The following HECW2 variants were observed in gnomAD, a reference collection of about 807,000 sequenced individuals.
The protein encoded by HECW2 is HECT, C2 and WW domain containing E3 ubiquitin protein ligase 2.
HECW2 carries 61 observed loss-of-function variants against 175.2 expected under a neutral mutation model. The observed-to-expected ratio is 0.35, with a 90% CI of 0.28 to 0.43. The LOEUF is 0.43. Ranked by LOEUF, HECW2 falls within the 20% of genes least tolerant of loss-of-function variation. The pLI, the probability that HECW2 is intolerant of heterozygous loss-of-function variation, is 1.00. For missense variants in HECW2, 1,524 were observed against 2,000.5 expected (o/e 0.76, Z 4.54); for synonymous variants, 671 against 731.0 (o/e 0.92, Z 1.32).
At chr2:196,458,533 A>T (rs1435156576) in intron 1 of HECW2, among the ~76,000 whole-genome samples, 1 of 152,108 alleles carries the variant, frequency 6.6e-6, no homozygotes, top group Non-Finnish European at 1.5e-5. Flanking sequence ...ACAAGACTCT[A>T]AAAAGCTCCA....
chr2:196,485,866 A>C (rs1686983172), intron 1 of HECW2, among the ~76,000 whole-genome samples: 1 of 152,196 alleles, frequency 6.6e-6, no homozygotes, highest in Non-Finnish European at 1.5e-5. Context: ...ATTTAGAAAA[A>C]TAAAATGGAG....
In HECW2 at chr2:196,326,855, C is replaced by T. The variant is rs564357944; in HGVS notation, c.572-1706G>A. On this transcript the variant is annotated intron_variant, in intron 5 of 28. Transcript: ENST00000644978. ...GAGAGGCTGCCATAATCTCATTAGCCGTGCAGTCCCCATTCCTGACACTTC... is the reference window on the plus strand; with the variant it reads ...GAGAGGCTGCCATAATCTCATTAGCTGTGCAGTCCCCATTCCTGACACTTC... Among the ~76,000 whole-genome samples, 10 of 152,214 alleles carry T rather than the reference C, an allele frequency of 6.6e-5. No individual in the cohort carries two copies. The East Asian group carries it at 7.7e-4, about 12-fold the overall frequency.
At chr2:196,407,286 ACCTCAG>A (rs528100650) in intron 2 of HECW2, among the ~76,000 whole-genome samples, 82 of 148,046 alleles carry the variant, frequency 5.5e-4, no homozygotes, top group African/African-American at 1.9e-3. Flanking sequence ...TGATCCTCCC[ACCTCAG>A]CCTCCCAAGT....
At chr2:196,415,533 C>T (rs1314612992) in intron 2 of HECW2, among the ~76,000 whole-genome samples, 4 of 151,892 alleles carry the variant, frequency 2.6e-5, no homozygotes, top group African/African-American at 9.7e-5. Flanking sequence ...GTGTTTGCTG[C>T]TTCCTGTGGT....
chr2:196,274,624 G>A (rs1002292358), intron 15 of HECW2, among the ~76,000 whole-genome samples: 1 of 152,202 alleles, frequency 6.6e-6, no homozygotes, highest in African/African-American at 2.4e-5. Flanking sequence ...GGGGTTTCGA[G>A]TTAGTGTATT....
At chr2:196,514,049 G>A (rs868386437) in intron 1 of HECW2, among the ~76,000 whole-genome samples, 2 of 152,148 alleles carry the variant, frequency 1.3e-5, no homozygotes, top group Non-Finnish European at 2.9e-5. Context: ...CAGGAGCCTC[G>A]CCCTCCCAGG....
intron 19 of HECW2, among the ~76,000 whole-genome samples, chr2:196,253,509 C>A (rs577225830): frequency 6.6e-6 from 1 of 152,304 alleles, no homozygotes; most frequent in Admixed American, 6.5e-5. Flanking sequence ...TAATGAATTG[C>A]AGGAATGTCC....
chr2:196,418,254 G>A (rs1418186531), intron 2 of HECW2, among the ~76,000 whole-genome samples: 21 of 151,854 alleles, frequency 1.4e-4, no homozygotes, highest in African/African-American at 3.6e-4. Flanking sequence ...TCAGCCTCCC[G>A]AGTAGCTGGG....
chr2:196,377,839 A>G (rs1694094607), intron 2 of HECW2, among the ~76,000 whole-genome samples: 1 of 152,262 alleles, frequency 6.6e-6, no homozygotes, highest in African/African-American at 2.4e-5. Flanking sequence ...GATTAAGTCA[A>G]TACTGCTAAG....
intron 1 of HECW2, among the ~76,000 whole-genome samples, chr2:196,550,123 G>C (rs2125482270): frequency 6.6e-6 from 1 of 152,256 alleles, no homozygotes; most frequent in African/African-American, 2.4e-5. Flanking sequence ...TTTCCTCAGT[G>C]CTCTGACCTT....
At position 196,322,644 on chromosome 2, in the gene HECW2, G is replaced by C. The variant is rs906362223; in HGVS notation, c.742-24C>G. On this transcript the variant is annotated intron_variant, in intron 6 of 28. Transcript: ENST00000644978. ...TTCTGAAAACACAAACAGATAACAT[G>C]CTGGTTTAAAAGAAAGACAAATATG... 1.1e-5 allele frequency: 18 copies of C among 1,597,166 alleles called. No homozygotes were observed. The African/African-American group carries it at 1.3e-4, about 12-fold the overall frequency.
At chr2:196,480,568 A>G (rs1686807097) in intron 1 of HECW2, among the ~76,000 whole-genome samples, 1 of 152,242 alleles carries the variant, frequency 6.6e-6, no homozygotes. Context: ...GTGCTGGGAC[A>G]GAACTCAGTC....
chr2:196,586,139 T>C (rs1020717966), intron 1 of HECW2, among the ~76,000 whole-genome samples: 1 of 152,220 alleles, frequency 6.6e-6, no homozygotes, highest in South Asian at 2.1e-4. Context: ...ATGCTTATGA[T>C]ATAAATGGCT....
intron 17 of HECW2, among the ~76,000 whole-genome samples, chr2:196,265,123 G>A (rs1485053603): frequency 6.6e-6 from 1 of 152,164 alleles, no homozygotes; most frequent in Non-Finnish European, 1.5e-5. Context: ...ATATTTTAGA[G>A]TAACGCTCCC....
At chr2:196,483,559 C>T (rs1686911214) in intron 1 of HECW2, among the ~76,000 whole-genome samples, 2 of 152,182 alleles carry the variant, frequency 1.3e-5, no homozygotes, top group Non-Finnish European at 2.9e-5. Context: ...CCTTTTCCTA[C>T]AAACTTTCAG....
At chr2:196,586,936 T>C (rs1394006705) in intron 1 of HECW2, among the ~76,000 whole-genome samples, 1 of 152,000 alleles carries the variant, frequency 6.6e-6, no homozygotes, top group Non-Finnish European at 1.5e-5. Context: ...TCTTCCACAC[T>C]CCACTCCACT....
chr2:196,227,714 A>T (rs10174839), intron 22 of HECW2, among the ~76,000 whole-genome samples: 19,828 of 152,130 alleles, frequency 0.13, 1,655 homozygotes, highest in African/African-American at 0.23. Context: ...AAGCTGTCTG[A>T]TCTCTGGGTC....
intron 1 of HECW2, among the ~76,000 whole-genome samples, chr2:196,548,349 G>GAAGAAA (rs1689493160): frequency 6.9e-6 from 1 of 144,980 alleles, no homozygotes; most frequent in African/African-American, 2.5e-5. Context: ...AAAAAGAAAA[G>GAAGAAA]AAGAAAAAGA....
intron 19 of HECW2, among the ~76,000 whole-genome samples, chr2:196,248,681 G>C (rs1688746995): frequency 6.6e-6 from 1 of 150,600 alleles, no homozygotes; most frequent in African/African-American, 2.5e-5. Context: ...AAAGGAGAGA[G>C]AGAATGAGCA....
Sources: gnomAD v4.1 joint callset for allele counts (sites outside exome capture counted in the v4.1 genomes callset) on GRCh38, gnomAD v4.1.1 for gene constraint, MANE v1.5 for transcripts, NCBI Gene and HGNC (gene_info 2026-07-23, HGNC 2026-07-21) for gene names.